Variants in DPYD observed in about 807,000 individuals in gnomAD.
DPYD encodes the protein dihydropyrimidine dehydrogenase, also known as dihydropyrimidine dehydrogenase [NADP(+)].
Under a neutral mutation model 116.2 loss-of-function variants are expected in DPYD, and 109 were observed. The observed-to-expected ratio is 0.94, with a 90% confidence interval of 0.80 to 1.10. DPYD has a LOEUF of 1.10. Among genes scored for constraint, DPYD ranks in the 50% least tolerant of loss-of-function variants. The pLI is 0.00. For synonymous variants in DPYD, 440 were observed against 432.0 expected, an observed-to-expected ratio of 1.02 and a Z score of -0.23; for missense variants, 1,302 against 1,254.5, an observed-to-expected ratio of 1.04 and a Z score of -0.57.
intron 14 of DPYD, among the ~76,000 whole-genome samples, chr1:97,384,204 C>G (rs1672162797): frequency 6.6e-6 from 1 of 150,454 alleles, no homozygotes; most frequent in South Asian, 2.1e-4. Context: ...CCTCTAAAAG[C>G]CACTGTGCTC....
chr1:97,265,607 G>A (rs994249574), intron 18 of DPYD: 1 of 152,146 alleles, frequency 6.6e-6, no homozygotes, highest in Admixed American at 6.5e-5. Flanking sequence ...CCACCTGTGG[G>A]AGTTTGAATG....
intron 5 of DPYD, among the ~76,000 whole-genome samples, chr1:97,707,561 G>C (rs957272031): frequency 2.0e-5 from 3 of 150,806 alleles, no homozygotes; most frequent in Admixed American, 1.3e-4. Context: ...TTTTGTTCTT[G>C]CGATAGTTTA....
rs116583505 is a variant in DPYD, at chr1:97,885,503, A to T, written c.40-2129T>A. 2.1e-3 allele frequency among the ~76,000 whole-genome samples: 321 copies of T among 152,234 alleles called. 3 individuals are homozygous for T. Among genetic ancestry groups the T allele is most frequent in the African/African-American group, 7.3e-3 (302 of 41,586 alleles). On this transcript the variant is annotated intron_variant, in intron 1 of 22. Transcript: ENST00000370192. Reference sequence around the variant, plus strand: ...ACTTTCTAAAATAAATGTTATACTTAGTATTCTTAGACAAGAATAAAATCA... The same window carrying T: ...ACTTTCTAAAATAAATGTTATACTTTGTATTCTTAGACAAGAATAAAATCA...
chr1:97,805,478 CATA>C (rs1444397356), intron 3 of DPYD, among the ~76,000 whole-genome samples: 1 of 151,790 alleles, frequency 6.6e-6, no homozygotes, highest in East Asian at 1.9e-4. Context: ...TTCCTTTAAA[CATA>C]ATGATATGTA....
chr1:97,099,495 C>A (rs1264705855), intron 20 of DPYD, among the ~76,000 whole-genome samples: 1 of 152,092 alleles, frequency 6.6e-6, no homozygotes, highest in Non-Finnish European at 1.5e-5. Flanking sequence ...CTTTGTCCTT[C>A]CCCTCTTCTA....
intron 14 of DPYD, among the ~76,000 whole-genome samples, chr1:97,440,914 A>C (rs1297216804): frequency 6.6e-6 from 1 of 152,062 alleles, no homozygotes; most frequent in African/African-American, 2.4e-5. Context: ...AAAATTATTT[A>C]TTTCACTTAT....
chr1:97,600,663 A>G (rs1415755465), intron 8 of DPYD, among the ~76,000 whole-genome samples: 1 of 152,174 alleles, frequency 6.6e-6, no homozygotes, highest in Admixed American at 6.5e-5. Context: ...TGTTGGGAGA[A>G]TTAACACGAA....
At chr1:97,705,593 T>A (rs1661897523) in intron 5 of DPYD, among the ~76,000 whole-genome samples, 1 of 151,952 alleles carries the variant, frequency 6.6e-6, no homozygotes, top group Non-Finnish European at 1.5e-5. Context: ...GCAATAAACA[T>A]ACGTGTGCAT....
At chr1:97,180,345 G>C (rs866941633) in intron 20 of DPYD, among the ~76,000 whole-genome samples, 1 of 151,994 alleles carries the variant, frequency 6.6e-6, no homozygotes, top group East Asian at 1.9e-4. Flanking sequence ...TGGGCTTAAC[G>C]GGAGATATAA....
chr1:97,723,761 T>C (rs750782924), intron 4 of DPYD, among the ~76,000 whole-genome samples: 3 of 151,574 alleles, frequency 2.0e-5, no homozygotes, highest in Non-Finnish European at 3.0e-5. Flanking sequence ...AAGTATAATA[T>C]CCAAAAGTCA....
intron 18 of DPYD, among the ~76,000 whole-genome samples, chr1:97,250,223 T>C (rs1349784679): frequency 1.3e-5 from 2 of 151,766 alleles, no homozygotes; most frequent in African/African-American, 4.8e-5. Flanking sequence ...TGAGCCGAGA[T>C]CACGCCATTG....
intron 20 of DPYD, among the ~76,000 whole-genome samples, chr1:97,121,923 C>G (rs1652469872): frequency 1.3e-5 from 2 of 152,116 alleles, no homozygotes; most frequent in African/African-American, 4.8e-5. Flanking sequence ...TGGCCTGGGT[C>G]TGCAAGTAGA....
chr1:97,245,861 T>C lies in DPYD; in HGVS notation c.2300-10867A>G, dbSNP rs1057480572. ...CCAGGGTGTCCATGGCAGCACTTGCTGTACTGTAAAACCATTCCTTTCACT... is the reference window on the plus strand; with the variant it reads ...CCAGGGTGTCCATGGCAGCACTTGCCGTACTGTAAAACCATTCCTTTCACT... On this transcript the variant is annotated intron_variant, in intron 18 of 22. Coordinates refer to ENST00000370192, the MANE Select transcript of DPYD (RefSeq NM_000110.4). Among the ~76,000 whole-genome samples the C allele has an allele frequency of 2.6e-5, 4 of 152,178 alleles. No homozygotes were observed. In the South Asian group the frequency reaches 8.3e-4, roughly 31 times the overall value.
chr1:97,421,215 C>A (rs1036448945), intron 14 of DPYD, among the ~76,000 whole-genome samples: 2 of 152,170 alleles, frequency 1.3e-5, no homozygotes, highest in African/African-American at 4.8e-5. Flanking sequence ...ACTCTCACAA[C>A]AACCTTAAGA....
chr1:97,234,835 A>G lies in DPYD; in HGVS notation c.2442+17T>C. ...AGATGGAGATTTTTAAAAGGGACAG[A>G]CAAACACAATGACTACCTGGAGGAC... On this transcript the variant is annotated intron_variant, in intron 19 of 22. Transcript: ENST00000370192. 3 of 1,613,684 alleles carry G rather than the reference A, an allele frequency of 1.9e-6. No homozygotes were observed. The highest frequency in any genetic ancestry group is 1.6e-4 in the Middle Eastern group (1 of 6,062).
At chr1:97,486,695 T>G (rs1266465557) in intron 13 of DPYD, among the ~76,000 whole-genome samples, 1 of 152,154 alleles carries the variant, frequency 6.6e-6, no homozygotes, top group Non-Finnish European at 1.5e-5. Context: ...TAATTCAGAA[T>G]TTCTAAAACT....
chr1:97,111,231 A>C (rs1268420897), intron 20 of DPYD, among the ~76,000 whole-genome samples: 1 of 152,074 alleles, frequency 6.6e-6, no homozygotes, highest in African/African-American at 2.4e-5. Context: ...TATCCTCCTT[A>C]TAGTAGCCTG....
chr1:97,509,190 G>T (rs1348356195), intron 13 of DPYD, among the ~76,000 whole-genome samples: 1 of 152,014 alleles, frequency 6.6e-6, no homozygotes, highest in Non-Finnish European at 1.5e-5. Flanking sequence ...CAGAAAACGT[G>T]TTGCTGCTTT....
chr1:97,839,301 A>G (rs1391119453), intron 2 of DPYD, among the ~76,000 whole-genome samples: 1 of 152,242 alleles, frequency 6.6e-6, no homozygotes, highest in East Asian at 1.9e-4. Flanking sequence ...AGAACTGAAT[A>G]CAAAGTTATG....
Sources: allele counts gnomAD v4.1 joint callset (sites outside exome capture counted in the v4.1 genomes callset), GRCh38; gene constraint gnomAD v4.1.1; transcripts MANE v1.5; gene names NCBI Gene and HGNC (gene_info 2026-07-23, HGNC 2026-07-21).